Variants in SULF2 observed in about 807,000 individuals in gnomAD.
SULF2 encodes sulfatase 2, also known as extracellular sulfatase Sulf-2.
SULF2 carries 52 observed loss-of-function variants against 107.7 expected under a neutral mutation model. That is an observed-to-expected ratio of 0.48 (90% CI 0.39 to 0.61). The LOEUF is 0.61. Ranked by LOEUF, SULF2 falls within the 20% of genes least tolerant of loss-of-function variation. The pLI is 0.00. For missense variants in SULF2, 993 were observed against 1,177.3 expected (o/e 0.84, Z 2.29); for synonymous variants, 460 against 464.3 (o/e 0.99, Z 0.12).
intron 2 of SULF2, among the ~76,000 whole-genome samples, chr20:47,748,505 C>T (rs989138903): frequency 2.0e-5 from 3 of 152,168 alleles, no homozygotes; most frequent in Admixed American, 2.0e-4. Context: ...TTTCAATGCA[C>T]CCAGCTAGGA....
chr20:47,786,437 T>A (rs1309125171), upstream of SULF2: 2 of 152,124 alleles, frequency 1.3e-5, no homozygotes, highest in Non-Finnish European at 2.9e-5. Context: ...CTCGACTGCC[T>A]TTGCCGAAAG....
intron 2 of SULF2, among the ~76,000 whole-genome samples, chr20:47,755,651 T>A (rs535284064): frequency 6.6e-6 from 1 of 152,254 alleles, no homozygotes; most frequent in East Asian, 1.9e-4. Context: ...TATCACCCCA[T>A]CGGCCTCTGA....
chr20:47,693,745 G>A (rs1277159137), intron 4 of SULF2, among the ~76,000 whole-genome samples: 2 of 152,254 alleles, frequency 1.3e-5, no homozygotes, highest in Non-Finnish European at 2.9e-5. Flanking sequence ...CAGGATACTG[G>A]CTACCTCCAG....
chr20:47,727,308 A>AGGAGGCC (rs1395002197), intron 3 of SULF2, among the ~76,000 whole-genome samples: 3 of 152,112 alleles, frequency 2.0e-5, no homozygotes, highest in Non-Finnish European at 4.4e-5. Context: ...ACCCACAGGG[A>AGGAGGCC]GGAGGCCGCA....
intron 3 of SULF2, among the ~76,000 whole-genome samples, chr20:47,703,499 A>G (rs2146603787): frequency 6.6e-6 from 1 of 152,370 alleles, no homozygotes; most frequent in East Asian, 1.9e-4. Context: ...CTAACATTAA[A>G]GAAATGGGCA....
intron 2 of SULF2, among the ~76,000 whole-genome samples, chr20:47,752,565 T>TAAAAAAAA (rs11319849): frequency 6.1e-5 from 8 of 132,132 alleles, no homozygotes; most frequent in African/African-American, 2.0e-4. Context: ...AGCCCATCTC[T>TAAAAAAAA]AAAAAAAAAA....
At position 47,677,140 on chromosome 20, in the gene SULF2, A is replaced by G. The variant is rs778152717; in HGVS notation, c.1194-6T>C. Reference sequence around the variant, plus strand: ...TCTTCTTTTTCAAGTGAAACCTGGAAAAAAGCACGGCTCCTGCTTCTCAGC... The same window carrying G: ...TCTTCTTTTTCAAGTGAAACCTGGAGAAAAGCACGGCTCCTGCTTCTCAGC... On this transcript the variant is annotated splice_region_variant and splice_polypyrimidine_tract_variant and intron_variant, in intron 8 of 20. Transcript: ENST00000688720. 16 of 1,613,426 alleles carry G rather than the reference A, an allele frequency of 9.9e-6. No homozygotes were observed. The African/African-American group carries it at 1.1e-4, about 11-fold the overall frequency.
chr20:47,719,879 CCA>C (rs1260719558), intron 3 of SULF2, among the ~76,000 whole-genome samples: 1 of 152,206 alleles, frequency 6.6e-6, no homozygotes, highest in African/African-American at 2.4e-5. Flanking sequence ...CTCCTGTAGG[CCA>C]CAGTTTACTA....
In SULF2 at chr20:47,663,571, GCGCTTCTGCTCC is replaced by G; in HGVS notation, c.2097_2108del (p.Glu700_Arg703del). The G allele has an allele frequency of 6.2e-7, 1 of 1,611,124 alleles. No homozygotes were observed. The highest frequency in any genetic ancestry group is 8.5e-7 in the Non-Finnish European group (1 of 1,179,020). On this transcript the variant is annotated inframe_deletion, in exon 16 of 21. Transcript: ENST00000688720. ...TGAGCAGCTTGCGGAGTTTCTTCTT[GCGCTTCTGCTCC>G]CGCAACAGCCACACCTTGTCCTTCT...
intron 3 of SULF2, among the ~76,000 whole-genome samples, chr20:47,733,286 G>GA (rs2089656453): frequency 6.6e-6 from 1 of 152,180 alleles, no homozygotes. Context: ...AGAGGCCCTT[G>GA]AAAAAATTGA....
intron 2 of SULF2, 52 bp from the exon 3 acceptor site, chr20:47,736,994 C>T (rs775333544): frequency 1.5e-5 from 24 of 1,607,364 alleles, no homozygotes; most frequent in South Asian, 7.7e-5. Flanking sequence ...CGGGCGGCAC[C>T]GGCACCAGGG....
At chr20:47,670,706 T>A (rs1303644348) in intron 11 of SULF2, among the ~76,000 whole-genome samples, 1 of 224 alleles carries the variant, frequency 4.5e-3, no homozygotes, top group Non-Finnish European at 7.7e-3. Flanking sequence ...GAGAACGGGG[T>A]GGGGGTGGGA....
At chr20:47,771,549 T>C (rs374788879) in intron 1 of SULF2, among the ~76,000 whole-genome samples, 2 of 152,338 alleles carry the variant, frequency 1.3e-5, no homozygotes, top group East Asian at 3.9e-4. Flanking sequence ...TCTTCCCTTC[T>C]GCAGAGGCAA....
intron 3 of SULF2, among the ~76,000 whole-genome samples, chr20:47,712,364 T>G (rs573930722): frequency 6.6e-6 from 1 of 152,238 alleles, no homozygotes; most frequent in Non-Finnish European, 1.5e-5. Context: ...GCCTGCCTCC[T>G]CCTCACCGTG....
chr20:47,769,792 G>A (rs1336229356), intron 1 of SULF2, among the ~76,000 whole-genome samples: 1 of 152,198 alleles, frequency 6.6e-6, no homozygotes, highest in Non-Finnish European at 1.5e-5. Flanking sequence ...GAGTGCTAGG[G>A]AGTGAGGGGG....
chr20:47,776,476 A>G (rs568203066), intron 1 of SULF2, among the ~76,000 whole-genome samples: 30 of 152,344 alleles, frequency 2.0e-4, no homozygotes, highest in Admixed American at 7.2e-4. Context: ...GCCTGTACAA[A>G]GTGCTCGGTA....
chr20:47,668,331 C>T (rs910113787), intron 11 of SULF2, among the ~76,000 whole-genome samples: 14 of 152,240 alleles, frequency 9.2e-5, no homozygotes, highest in African/African-American at 3.4e-4. Flanking sequence ...CCTCTGCAGT[C>T]GCAGGGCTGA....
intron 2 of SULF2, among the ~76,000 whole-genome samples, chr20:47,743,282 C>A (rs945287191): frequency 6.6e-6 from 1 of 152,026 alleles, no homozygotes; most frequent in African/African-American, 2.4e-5. Context: ...CAGTAGGCTC[C>A]CAAGCTGTTC....
At chr20:47,734,372 C>T (rs1600604053) in intron 3 of SULF2, among the ~76,000 whole-genome samples, 1 of 152,178 alleles carries the variant, frequency 6.6e-6, no homozygotes, top group Non-Finnish European at 1.5e-5. Flanking sequence ...TAAAAATTTA[C>T]AGTATATTCT....
Sources: allele counts gnomAD v4.1 joint callset (sites outside exome capture counted in the v4.1 genomes callset), GRCh38; gene constraint gnomAD v4.1.1; transcripts MANE v1.5; gene names NCBI Gene and HGNC (gene_info 2026-07-23, HGNC 2026-07-21).